Variants in NOL4 observed in about 807,000 individuals in gnomAD.
NOL4 encodes cancer/testis antigen 125.
In NOL4, 17 loss-of-function variants were observed where a neutral mutation model predicts 75.9. The ratio of observed to expected loss-of-function variants is 0.22; its 90% confidence interval spans 0.15 to 0.34. The LOEUF (loss-of-function observed/expected upper bound fraction) is 0.34. Ranked by LOEUF, NOL4 falls within the 10% of genes least tolerant of loss-of-function variation. NOL4 has a pLI of 1.00. For missense variants in NOL4, 614 were observed against 793.5 expected, an observed-to-expected ratio of 0.77 and a Z score of 2.72; for synonymous variants, 292 against 289.9, an observed-to-expected ratio of 1.01 and a Z score of -0.07.
intron 1 of NOL4, among the ~76,000 whole-genome samples, chr18:34,176,084 A>C: frequency 6.6e-6 from 1 of 152,092 alleles, no homozygotes; most frequent in East Asian, 1.9e-4. Context: ...AGAAGAGTAT[A>C]AGAACATTGT....
intron 5 of NOL4, among the ~76,000 whole-genome samples, chr18:34,043,462 C>T (rs1479296904): frequency 1.3e-5 from 2 of 151,702 alleles, no homozygotes; most frequent in Non-Finnish European, 2.9e-5. Flanking sequence ...ACATAGGTAC[C>T]CAAGAAAAAA....
At chr18:34,046,611 T>C (rs1290271576) in intron 5 of NOL4, among the ~76,000 whole-genome samples, 2 of 99,710 alleles carry the variant, frequency 2.0e-5, no homozygotes, top group African/African-American at 3.5e-5. Flanking sequence ...CTTATACATA[T>C]ATATATATAT....
chr18:34,007,215 G>A (rs553548943), intron 6 of NOL4, among the ~76,000 whole-genome samples: 1 of 152,046 alleles, frequency 6.6e-6, no homozygotes, highest in Admixed American at 6.6e-5. Context: ...CTACCACAAA[G>A]AAATTTGAGT....
At chr18:33,860,855 T>C in intron 10 of NOL4, among the ~76,000 whole-genome samples, 1 of 152,088 alleles carries the variant, frequency 6.6e-6, no homozygotes, top group Non-Finnish European at 1.5e-5. Flanking sequence ...AGTTGTTGAA[T>C]TTTGTCAAAG....
chr18:33,949,870 G>A (rs2069091694), intron 8 of NOL4, among the ~76,000 whole-genome samples: 1 of 151,998 alleles, frequency 6.6e-6, no homozygotes, highest in Non-Finnish European at 1.5e-5. Flanking sequence ...TAGAAACACA[G>A]TTTAGTTAAT....
At position 34,033,922 on chromosome 18, in the gene NOL4, G is replaced by A. The variant is rs1017242437; in HGVS notation, c.773-14321C>T. Among the ~76,000 whole-genome samples, 12 of 151,928 alleles carry A rather than the reference G, an allele frequency of 7.9e-5. No individual in the cohort carries two copies. In the South Asian group the frequency reaches 1.9e-3, roughly 24 times the overall value. On this transcript the variant is annotated intron_variant, in intron 5 of 10. Coordinates refer to ENST00000261592, the MANE Select transcript of NOL4 (RefSeq NM_003787.5). Reference sequence around the variant, plus strand: ...GTGCTAAAAAGAAAAAAAAAATCACGAAGGATACTATACCCAGCAAAATTA... The same window carrying A: ...GTGCTAAAAAGAAAAAAAAAATCACAAAGGATACTATACCCAGCAAAATTA...
chr18:34,063,994 C>T (rs766670233), intron 5 of NOL4, among the ~76,000 whole-genome samples: 15 of 151,962 alleles, frequency 9.9e-5, no homozygotes, highest in Non-Finnish European at 1.5e-4. Flanking sequence ...ATTTATTTTT[C>T]CTTGCCACAC....
chr18:33,962,895 C>T (rs183056593), intron 6 of NOL4, among the ~76,000 whole-genome samples: 2 of 152,300 alleles, frequency 1.3e-5, no homozygotes, highest in African/African-American at 2.4e-5. Context: ...GCCCTGTTTA[C>T]TCAAGTTTTA....
intron 10 of NOL4, among the ~76,000 whole-genome samples, chr18:33,858,739 C>G (rs915496023): frequency 2.0e-5 from 3 of 151,858 alleles, no homozygotes; most frequent in African/African-American, 7.3e-5. Flanking sequence ...AATTGTTTGT[C>G]TAAAGTGAAG....
intron 1 of NOL4, among the ~76,000 whole-genome samples, chr18:34,204,723 T>C (rs924969653): frequency 6.6e-6 from 1 of 152,004 alleles, no homozygotes; most frequent in Non-Finnish European, 1.5e-5. Context: ...TAGTCAGAGG[T>C]GGTACTTCAG....
intron 9 of NOL4, among the ~76,000 whole-genome samples, chr18:33,887,847 C>CTTTGCTATTG (rs1271766508): frequency 6.6e-6 from 1 of 152,084 alleles, no homozygotes; most frequent in Non-Finnish European, 1.5e-5. Flanking sequence ...GGTTCCAATT[C>CTTTGCTATTG]TTTGCTATTG....
intron 6 of NOL4, among the ~76,000 whole-genome samples, chr18:33,992,355 T>A (rs1479014082): frequency 1.3e-5 from 2 of 151,964 alleles, no homozygotes; most frequent in Non-Finnish European, 2.9e-5. Flanking sequence ...ACAGGCCAGA[T>A]CAACACTGTT....
chr18:33,881,092 G>A (rs1012475502), intron 10 of NOL4, among the ~76,000 whole-genome samples: 1 of 151,902 alleles, frequency 6.6e-6, no homozygotes. Flanking sequence ...TCCCTTGTAA[G>A]TTGGATTCCT....
At chr18:33,886,974 T>A (rs931693224) in intron 9 of NOL4, among the ~76,000 whole-genome samples, 10 of 140,156 alleles carry the variant, frequency 7.1e-5, no homozygotes, top group Non-Finnish European at 1.5e-4. Context: ...TATATCTATA[T>A]ACATATATAT....
At chr18:34,036,931 T>TA (rs545032641) in intron 5 of NOL4, among the ~76,000 whole-genome samples, 3 of 152,050 alleles carry the variant, frequency 2.0e-5, no homozygotes, top group Admixed American at 6.6e-5. Flanking sequence ...GACTCCATCT[T>TA]AAAAAAATAA....
Position 34,162,006 on chromosome 18 carries a change from T to A in NOL4, c.265-31986A>T, listed in dbSNP as rs544090974. Among the ~76,000 whole-genome samples the A allele has an allele frequency of 3.3e-5, 5 of 152,292 alleles. No individual in the cohort carries two copies. The East Asian group carries it at 9.6e-4, about 29-fold the overall frequency. On this transcript the variant is annotated intron_variant, in intron 1 of 10. Coordinates refer to ENST00000261592, the MANE Select transcript of NOL4 (RefSeq NM_003787.5). Reference sequence around the variant, plus strand: ...CTAACTTCTAAACTATCTGCCAAACTATTTCTATGCCGGCAGAAATCTACT... The same window carrying A: ...CTAACTTCTAAACTATCTGCCAAACAATTTCTATGCCGGCAGAAATCTACT...
intron 8 of NOL4, among the ~76,000 whole-genome samples, chr18:33,943,800 T>C (rs2068657877): frequency 6.6e-6 from 1 of 151,884 alleles, no homozygotes; most frequent in Non-Finnish European, 1.5e-5. Flanking sequence ...CCTGTTTTGT[T>C]TTACTTATAA....
intron 5 of NOL4, among the ~76,000 whole-genome samples, chr18:34,051,514 A>C (rs2076624556): frequency 1.3e-5 from 2 of 152,280 alleles, no homozygotes; most frequent in Middle Eastern, 3.4e-3. Context: ...AATAACAATA[A>C]CATCTCCTTT....
intron 5 of NOL4, among the ~76,000 whole-genome samples, chr18:34,089,890 T>A (rs1211569446): frequency 6.6e-6 from 1 of 152,096 alleles, no homozygotes; most frequent in East Asian, 1.9e-4. Flanking sequence ...TAAAATTGTG[T>A]GTTATATGAG....
Sources: allele counts gnomAD v4.1 joint callset (sites outside exome capture counted in the v4.1 genomes callset), GRCh38; gene constraint gnomAD v4.1.1; transcripts MANE v1.5; gene names NCBI Gene and HGNC (gene_info 2026-07-23, HGNC 2026-07-21).